Variants in NR1H4 observed in about 807,000 individuals in gnomAD.
NR1H4 encodes nuclear receptor subfamily 1 group H member 4, also known as bile acid receptor.
Under a neutral mutation model 58.5 loss-of-function variants are expected in NR1H4, and 23 were observed. That is an observed-to-expected ratio of 0.39 (90% confidence interval 0.28 to 0.56). The LOEUF is 0.56. NR1H4 is among the 20% of genes least tolerant of loss of function. The pLI is 0.58. For synonymous variants in NR1H4, 214 were observed against 198.0 expected (o/e 1.08, Z -0.68); for missense variants, 487 against 576.9 (o/e 0.84, Z 1.60).
intron 9 of NR1H4, among the ~76,000 whole-genome samples, chr12:100,542,346 G>GA (rs201799639): frequency 4.0e-5 from 6 of 150,344 alleles, no homozygotes; most frequent in African/African-American, 7.3e-5. Context: ...GACTCAGTCT[G>GA]AAAAAAAAAG....
At chr12:100,513,316 A>T (rs963527732) in intron 4 of NR1H4, among the ~76,000 whole-genome samples, 5 of 151,750 alleles carry the variant, frequency 3.3e-5, no homozygotes, top group African/African-American at 4.8e-5. Flanking sequence ...ACACATTAAA[A>T]TTTTTTTTTA....
intron 9 of NR1H4, among the ~76,000 whole-genome samples, chr12:100,548,025 C>T (rs1366551578): frequency 6.7e-6 from 1 of 149,846 alleles, no homozygotes; most frequent in Non-Finnish European, 1.5e-5. Context: ...CGGCCCTGTT[C>T]CTCTTTTTAT....
At chr12:100,483,930 A>G (rs1385743664) in intron 1 of NR1H4, among the ~76,000 whole-genome samples, 1 of 150,438 alleles carries the variant, frequency 6.6e-6, no homozygotes, top group African/African-American at 2.5e-5. Context: ...ATTGCAGTGA[A>G]CTGAGGTCGT....
At chr12:100,525,996 T>C (rs573357428) in intron 4 of NR1H4, among the ~76,000 whole-genome samples, 1 of 152,240 alleles carries the variant, frequency 6.6e-6, no homozygotes, top group Admixed American at 6.5e-5. Context: ...TATTGGTAAT[T>C]TGTGTCTTCT....
At chr12:100,476,521 C>G (rs1294695088) in intron 1 of NR1H4, among the ~76,000 whole-genome samples, 1 of 152,180 alleles carries the variant, frequency 6.6e-6, no homozygotes, top group African/African-American at 2.4e-5. Flanking sequence ...CTCAGAACTG[C>G]TGTGGCTCAC....
chr12:100,493,546 T>G, intron 3 of NR1H4, 144 bp downstream of exon 3: 2 of 637,264 alleles, frequency 3.1e-6, no homozygotes, highest in Non-Finnish European at 5.7e-6. Context: ...TTAGCTACTC[T>G]GCAAGGTTAG....
At chr12:100,475,828 C>T (rs757449050) in intron 1 of NR1H4, among the ~76,000 whole-genome samples, 10 of 152,084 alleles carry the variant, frequency 6.6e-5, no homozygotes, top group Non-Finnish European at 1.0e-4. Flanking sequence ...CTCCACCTCC[C>T]GGGTTCAAGC....
chr12:100,514,323 T>C (rs191326809), intron 4 of NR1H4, among the ~76,000 whole-genome samples: 54 of 152,348 alleles, frequency 3.5e-4, no homozygotes, highest in African/African-American at 1.3e-3. Context: ...TATTCTAATC[T>C]GCCTGTTTCA....
intron 9 of NR1H4, among the ~76,000 whole-genome samples, chr12:100,543,773 G>A (rs1954993025): frequency 6.6e-6 from 1 of 152,086 alleles, no homozygotes; most frequent in Non-Finnish European, 1.5e-5. Context: ...TTCAACTTAG[G>A]AAAGAATTAA....
intron 3 of NR1H4, 75 bp downstream of exon 3, chr12:100,493,477 G>A (rs1953647788): frequency 1.3e-6 from 1 of 761,064 alleles, no homozygotes; most frequent in Non-Finnish European, 2.3e-6. Context: ...ATGCCTAGAT[G>A]ATGAGTCCAG....
At chr12:100,476,424 G>C (rs1257340310) in intron 1 of NR1H4, among the ~76,000 whole-genome samples, 2 of 152,206 alleles carry the variant, frequency 1.3e-5, no homozygotes, top group Non-Finnish European at 2.9e-5. Flanking sequence ...TAAGATAGCT[G>C]GGTGAATATT....
chr12:100,529,210 C>G (rs559822138), intron 4 of NR1H4, among the ~76,000 whole-genome samples: 1 of 152,316 alleles, frequency 6.6e-6, no homozygotes, highest in East Asian at 1.9e-4. Flanking sequence ...CTTGACATCT[C>G]TAACTTTTCC....
At chr12:100,516,975 A>T (rs571684335) in intron 4 of NR1H4, among the ~76,000 whole-genome samples, 1 of 152,316 alleles carries the variant, frequency 6.6e-6, no homozygotes, top group Non-Finnish European at 1.5e-5. Flanking sequence ...TAATTGTGTA[A>T]TGATCAAATC....
At chr12:100,510,374 C>G (rs1302900780) in intron 3 of NR1H4, among the ~76,000 whole-genome samples, 2 of 152,052 alleles carry the variant, frequency 1.3e-5, no homozygotes, top group Middle Eastern at 3.4e-3. Flanking sequence ...AAGATGAAAA[C>G]TGTAATGTTT....
intron 9 of NR1H4, 104 bp from the exon 10 acceptor site, chr12:100,561,781 A>T: frequency 1.5e-6 from 1 of 686,852 alleles, no homozygotes; most frequent in South Asian, 1.6e-5. Context: ...GAATGTGTGC[A>T]TATAGTTGCA....
intron 3 of NR1H4, among the ~76,000 whole-genome samples, chr12:100,509,981 C>T (rs745986139): frequency 5.9e-5 from 9 of 152,130 alleles, no homozygotes; most frequent in Admixed American, 2.0e-4. Context: ...ACACATTGGT[C>T]TATAGCTTAC....
intron 5 of NR1H4, 101 bp from the exon 6 acceptor site, chr12:100,534,789 A>C (rs576261784): frequency 1.5e-6 from 2 of 1,352,806 alleles, no homozygotes; most frequent in South Asian, 2.4e-5. Context: ...GTGCCATTGC[A>C]TAGGGGATCT....
At chr12:100,559,520 C>T (rs1472307810) in intron 9 of NR1H4, among the ~76,000 whole-genome samples, 1 of 152,206 alleles carries the variant, frequency 6.6e-6, no homozygotes, top group Non-Finnish European at 1.5e-5. Context: ...GGACTTAGCA[C>T]CCGGGCCAGT....
chr12:100,563,357 C>A lies in NR1H4; in HGVS notation c.1299C>A (p.His433Gln). 6.2e-7 allele frequency: 1 copy of A among 1,614,162 alleles called. No homozygotes were observed. ...TTCACCAGCCTGAAAATCCTCAACA[C>A]TTTGCCTGTCTCCTGGGTCGCCTGA... is the stretch of plus-strand genomic sequence containing the variant. ...CKIHQPENPQ[H>Q]FACLLGRLTE... The change falls in exon 11 of 11, where the codon CAC becomes CAA. Residue 433 changes from histidine to glutamine, a missense_variant. Transcript: ENST00000392986.
Sources: gnomAD v4.1 joint callset for allele counts (sites outside exome capture counted in the v4.1 genomes callset) on GRCh38, gnomAD v4.1.1 for gene constraint, MANE v1.5 for transcripts, NCBI Gene and HGNC (gene_info 2026-07-23, HGNC 2026-07-21) for gene names.